The following DNAJC5B variants were observed in gnomAD, a reference collection of about 807,000 sequenced individuals.
The protein encoded by DNAJC5B is dnaJ homolog subfamily C member 5B.
Under a neutral mutation model 24.7 loss-of-function variants are expected in DNAJC5B, and 23 were observed. The ratio of observed to expected loss-of-function variants is 0.93; its 90% CI spans 0.67 to 1.32. The LOEUF is 1.32. DNAJC5B is among the 40% of genes most tolerant of loss of function. The probability of loss-of-function intolerance (pLI) is 0.00; values close to 1 mark genes in which losing one functional copy is unlikely to be tolerated. For missense variants in DNAJC5B, 238 were observed against 240.8 expected, an observed-to-expected ratio of 0.99 and a Z score of 0.08; for synonymous variants, 101 against 90.1, an observed-to-expected ratio of 1.12 and a Z score of -0.68.
chr8:66,097,868 A>G (rs1223557690), intron 5 of DNAJC5B, among the ~76,000 whole-genome samples: 1 of 151,918 alleles, frequency 6.6e-6, no homozygotes, highest in African/African-American at 2.4e-5. Flanking sequence ...TTTTTTTTTG[A>G]GACGGAGTTT....
intron 2 of DNAJC5B, among the ~76,000 whole-genome samples, chr8:66,050,625 G>A (rs1806825019): frequency 6.6e-6 from 1 of 152,182 alleles, no homozygotes; most frequent in African/African-American, 2.4e-5. Flanking sequence ...TAAGGCCGAG[G>A]CAGGTCTCAG....
At chr8:66,040,515 T>C (rs890868514) in intron 1 of DNAJC5B, among the ~76,000 whole-genome samples, 1 of 152,250 alleles carries the variant, frequency 6.6e-6, no homozygotes, top group Non-Finnish European at 1.5e-5. Flanking sequence ...GTAAATGTTT[T>C]CTTGGGAAAC....
At chr8:66,036,849 G>A (rs1238614610) in intron 1 of DNAJC5B, among the ~76,000 whole-genome samples, 7 of 152,134 alleles carry the variant, frequency 4.6e-5, no homozygotes, top group Non-Finnish European at 1.0e-4. Context: ...AGAGGCTTTT[G>A]GGGCCACTTG....
intron 5 of DNAJC5B, among the ~76,000 whole-genome samples, chr8:66,091,474 A>AC (rs1450759952): frequency 1.3e-5 from 2 of 152,198 alleles, no homozygotes; most frequent in East Asian, 3.9e-4. Flanking sequence ...AAGAATTGTC[A>AC]CAGCCTCTCC....
chr8:66,049,849 T>A (rs1196574196), intron 2 of DNAJC5B, among the ~76,000 whole-genome samples: 1 of 152,252 alleles, frequency 6.6e-6, no homozygotes, highest in Non-Finnish European at 1.5e-5. Context: ...TGTGCCTTGT[T>A]AAAATTGATT....
chr8:66,091,301 G>C, intron 5 of DNAJC5B, among the ~76,000 whole-genome samples: 1 of 152,102 alleles, frequency 6.6e-6, no homozygotes, highest in South Asian at 2.1e-4. Flanking sequence ...AGAAGCACAG[G>C]GGCTGTGAAA....
At chr8:66,090,804 CTT>C (rs1231942663) in intron 5 of DNAJC5B, among the ~76,000 whole-genome samples, 1 of 152,170 alleles carries the variant, frequency 6.6e-6, no homozygotes, top group Non-Finnish European at 1.5e-5. Context: ...CATCCTTCCC[CTT>C]TTTGCCACTC....
At chr8:66,062,081 C>T (rs1215130437) in intron 3 of DNAJC5B, among the ~76,000 whole-genome samples, 1 of 152,246 alleles carries the variant, frequency 6.6e-6, no homozygotes, top group African/African-American at 2.4e-5. Flanking sequence ...TCTCCCATTC[C>T]ATCAGTTCCT....
chr8:66,093,262 T>G (rs935862490), intron 5 of DNAJC5B, among the ~76,000 whole-genome samples: 1 of 152,176 alleles, frequency 6.6e-6, no homozygotes, highest in Non-Finnish European at 1.5e-5. Context: ...ATACGGAGGA[T>G]GCAATTACTT....
intron 5 of DNAJC5B, among the ~76,000 whole-genome samples, chr8:66,097,643 T>G (rs1807982891): frequency 1.3e-5 from 2 of 152,234 alleles, no homozygotes; most frequent in South Asian, 4.1e-4. Flanking sequence ...AAAAATTTGT[T>G]TTTACTGACT....
At chr8:66,027,826 C>T (rs1806279500) in intron 1 of DNAJC5B, among the ~76,000 whole-genome samples, 1 of 152,142 alleles carries the variant, frequency 6.6e-6, no homozygotes, top group African/African-American at 2.4e-5. Context: ...TTCCACACTC[C>T]TTTCTATGCC....
intron 3 of DNAJC5B, among the ~76,000 whole-genome samples, chr8:66,054,083 T>C (rs1011282450): frequency 1.3e-5 from 2 of 152,100 alleles, no homozygotes; most frequent in Non-Finnish European, 2.9e-5. Context: ...GTTCTTTTAC[T>C]TATTCCTTAT....
At chr8:66,055,933 A>G (rs1483313779) in intron 3 of DNAJC5B, among the ~76,000 whole-genome samples, 2 of 152,198 alleles carry the variant, frequency 1.3e-5, no homozygotes, top group African/African-American at 4.8e-5. Flanking sequence ...TGGGTGACAG[A>G]GTGAGACTGT....
intron 3 of DNAJC5B, among the ~76,000 whole-genome samples, chr8:66,073,765 G>C (rs544736216): frequency 8.3e-4 from 126 of 152,168 alleles, no homozygotes; most frequent in Non-Finnish European, 1.4e-3. Context: ...CTACAAGAGT[G>C]GAATATCTAT....
At chr8:66,035,959 G>A (rs16932433) in intron 1 of DNAJC5B, among the ~76,000 whole-genome samples, 14,051 of 152,168 alleles carry the variant, frequency 0.092, 680 homozygotes, top group Middle Eastern at 0.14. Flanking sequence ...AAGTATTGTG[G>A]GTCATGCTTC....
At position 66,051,522 on chromosome 8, in the gene DNAJC5B, C is replaced by T. The variant is rs1016081471; in HGVS notation, c.-17-9C>T. 8 of 1,540,042 alleles carry T rather than the reference C, an allele frequency of 5.2e-6. No individual in the cohort carries two copies. In the African/African-American group the frequency reaches 9.6e-5, roughly 18 times the overall value. ...TGCATAACCTTCATGGCTATTTTCT[C>T]CCCTTTAGTTTTGCAGCCTTAGAAA... is the stretch of plus-strand genomic sequence containing the variant. On this transcript the variant is annotated splice_polypyrimidine_tract_variant and intron_variant, in intron 2 of 5. Coordinates refer to ENST00000276570, the MANE Select transcript of DNAJC5B (RefSeq NM_033105.6).
Position 66,076,873 on chromosome 8 carries a change from G to A in DNAJC5B, c.333G>A (p.Lys111=). The A allele has an allele frequency of 1.2e-6, 2 of 1,614,026 alleles. No homozygotes were observed. The highest frequency in any genetic ancestry group is 1.7e-6 in the Non-Finnish European group (2 of 1,179,958). Residue 111 remains lysine, a splice_region_variant and synonymous_variant, in exon 4 of 6, where the codon AAG becomes AAA. Transcript: ENST00000276570. Reference sequence around the variant, plus strand: ...TCATGCTGTCGAGCTGGTGGGCAAAGGTGAAACTGAATTTCCTTTCTTCAC... The same window carrying A: ...TCATGCTGTCGAGCTGGTGGGCAAAAGTGAAACTGAATTTCCTTTCTTCAC... ...TYFMLSSWWA[K]ALFVIVGLLT...
intron 1 of DNAJC5B, among the ~76,000 whole-genome samples, chr8:66,030,953 C>T (rs1401016957): frequency 6.6e-6 from 1 of 152,228 alleles, no homozygotes; most frequent in Admixed American, 6.5e-5. Context: ...AGGCTGCTCA[C>T]AGTCCTCCCT....
chr8:66,051,608 T>G lies in DNAJC5B; in HGVS notation c.61T>G (p.Tyr21Asp), dbSNP rs572143809. 1.8e-5 allele frequency: 29 copies of G among 1,614,124 alleles called. No individual in the cohort carries two copies. In the East Asian group the frequency reaches 6.2e-4, roughly 35 times the overall value. Reference protein sequence around the residue: ...RTLSTTGEALYEILGLHKGAS... With the variant: ...RTLSTTGEALDEILGLHKGAS... ...TCTGTCAACAACAGGAGAAGCTCTA[T>G]ACGAAATTCTTGGTCTGCATAAGGG... Residue 21 changes from tyrosine (Y) to aspartate (D), a missense_variant, in exon 3 of 6, where the codon TAC becomes GAC. By Grantham distance (160) the Tyr-to-Asp change is radical. Coordinates refer to ENST00000276570, the MANE Select transcript of DNAJC5B (RefSeq NM_033105.6).
Sources: allele counts gnomAD v4.1 joint callset (sites outside exome capture counted in the v4.1 genomes callset), GRCh38; gene constraint gnomAD v4.1.1; transcripts MANE v1.5; gene names NCBI Gene and HGNC (gene_info 2026-07-23, HGNC 2026-07-21).